The following MATN2 variants were observed in gnomAD, a reference collection of about 807,000 sequenced individuals.
The protein encoded by MATN2 is matrilin 2, also known as matrilin-2.
Under a neutral mutation model 103.2 loss-of-function variants are expected in MATN2, and 69 were observed. The ratio of observed to expected loss-of-function variants is 0.67; its 90% CI spans 0.55 to 0.82. The LOEUF (loss-of-function observed/expected upper bound fraction) is 0.82, where lower values mean the gene tolerates loss of function less well. Ranked by LOEUF, MATN2 falls within the 40% of genes least tolerant of loss-of-function variation. MATN2 has a pLI of 0.00. For missense variants in MATN2, 1,023 were observed against 1,211.5 expected (o/e 0.84, Z 2.31); for synonymous variants, 429 against 450.2 (o/e 0.95, Z 0.60).
intron 8 of MATN2, among the ~76,000 whole-genome samples, chr8:98,006,427 C>G (rs1208357150): frequency 6.6e-6 from 1 of 152,176 alleles, no homozygotes; most frequent in African/African-American, 2.4e-5. Context: ...TATTCTCACC[C>G]TATTCCTATA....
chr8:97,992,529 C>T (rs902141661), intron 6 of MATN2, among the ~76,000 whole-genome samples: 3 of 151,708 alleles, frequency 2.0e-5, no homozygotes, highest in Non-Finnish European at 4.4e-5. Flanking sequence ...AGGTGGATCA[C>T]GAGATCAGGA....
chr8:97,920,232 G>C (rs549496853), intron 2 of MATN2, among the ~76,000 whole-genome samples: 30 of 152,312 alleles, frequency 2.0e-4, no homozygotes, highest in Non-Finnish European at 4.3e-4. Flanking sequence ...TTATGAGACA[G>C]AGTTTTGCTC....
chr8:97,914,849 T>A (rs1015919740), intron 2 of MATN2, among the ~76,000 whole-genome samples: 1 of 152,210 alleles, frequency 6.6e-6, no homozygotes, highest in Non-Finnish European at 1.5e-5. Context: ...GCTTGTTGCC[T>A]GGTCAACACC....
chr8:97,882,416 G>C (rs546986814), intron 1 of MATN2, among the ~76,000 whole-genome samples: 70 of 150,390 alleles, frequency 4.7e-4, no homozygotes, highest in African/African-American at 1.6e-3. Flanking sequence ...TTTTGAGGCC[G>C]GGTCTTGCTC....
intron 2 of MATN2, among the ~76,000 whole-genome samples, chr8:97,892,079 A>G (rs540047165): frequency 6.6e-6 from 1 of 152,204 alleles, no homozygotes; most frequent in South Asian, 2.1e-4. Flanking sequence ...TCTACTAAAA[A>G]TACAAAAATT....
chr8:97,948,739 T>C (rs1215049467), intron 4 of MATN2, among the ~76,000 whole-genome samples: 1 of 152,102 alleles, frequency 6.6e-6, no homozygotes, highest in Non-Finnish European at 1.5e-5. Flanking sequence ...TAAGCCTAAA[T>C]GCAAGAGCAG....
chr8:97,910,008 C>G (rs1249830748), intron 2 of MATN2, among the ~76,000 whole-genome samples: 3 of 151,616 alleles, frequency 2.0e-5, no homozygotes, highest in Non-Finnish European at 2.9e-5. Context: ...CGGTCTTGAT[C>G]TCCTGACCTC....
At position 98,007,768 on chromosome 8, in the gene MATN2, T is replaced by G. The variant is rs781571980; in HGVS notation, c.1573+167T>G. ...TAGCCATTAAGCCTTGGTGGCTGCT[T>G]CACCAACTCCCCTCAATCTTCCTTC... On this transcript the variant is annotated intron_variant, in intron 10 of 18. Coordinates refer to ENST00000254898, the MANE Select transcript of MATN2 (RefSeq NM_002380.5). This position sits in a 1 kb window ranked among gnomAD's most constrained non-coding sequence, Gnocchi z 4.2. Among the ~76,000 whole-genome samples the G allele has an allele frequency of 2.6e-5, 4 of 152,162 alleles. No individual in the cohort carries two copies. The highest frequency in any genetic ancestry group is 5.9e-5 in the Non-Finnish European group (4 of 68,026).
chr8:97,914,095 A>C (rs578120509), intron 2 of MATN2, among the ~76,000 whole-genome samples: 54 of 152,314 alleles, frequency 3.5e-4, no homozygotes, highest in African/African-American at 1.3e-3. Flanking sequence ...GAGACAAAGG[A>C]GTGGCCTTAA....
intron 4 of MATN2, among the ~76,000 whole-genome samples, chr8:97,945,679 A>G (rs1810722655): frequency 1.4e-5 from 2 of 146,790 alleles, no homozygotes; most frequent in Non-Finnish European, 3.0e-5. Flanking sequence ...AACTGCCTTC[A>G]AATACACACA....
At chr8:97,993,571 T>A (rs941235884) in intron 6 of MATN2, among the ~76,000 whole-genome samples, 10 of 152,334 alleles carry the variant, frequency 6.6e-5, no homozygotes, top group Admixed American at 3.3e-4. Context: ...GAAATACTTT[T>A]AAAAAAATAT....
chr8:97,980,558 C>CTTTTTTTTTTTTTT (rs71570278), intron 6 of MATN2, among the ~76,000 whole-genome samples: 5 of 94,094 alleles, frequency 5.3e-5, no homozygotes, highest in Non-Finnish European at 5.9e-5. Flanking sequence ...TTATTCTTTC[C>CTTTTTTTTTTTTTT]TTTTTTTTTT....
intron 10 of MATN2, among the ~76,000 whole-genome samples, chr8:98,012,437 A>G (rs1175259785): frequency 6.6e-6 from 1 of 152,070 alleles, no homozygotes; most frequent in African/African-American, 2.4e-5. Context: ...TAGTCTAGAG[A>G]AAGATGTTTA....
chr8:97,877,947 T>C (rs1396738045), intron 1 of MATN2, among the ~76,000 whole-genome samples: 1 of 151,998 alleles, frequency 6.6e-6, no homozygotes, highest in South Asian at 2.1e-4. Flanking sequence ...TCCATTTCCA[T>C]GCAGTCTCAC....
chr8:97,882,898 G>A (rs766851066), intron 1 of MATN2, among the ~76,000 whole-genome samples: 3 of 152,030 alleles, frequency 2.0e-5, no homozygotes, highest in Non-Finnish European at 2.9e-5. Context: ...GATGTTGAAC[G>A]TGTTTTCATA....
rs759420346 is a variant in MATN2 at position 98,033,635 on chromosome 8, GAAGT to G, written c.2795_2798del (p.Val932GlufsTer3). 3.7e-5 allele frequency: 59 copies of G among 1,605,552 alleles called. No individual in the cohort carries two copies. The East Asian group carries it at 6.7e-4, about 18-fold the overall frequency. ...AATGTTCCAGAACCTTGCAAACGAA[GAAGT>G]AAGAAAATTAACACAGCGCTATATC... On this transcript the variant is annotated frameshift_variant, in exon 18 of 19. Coordinates refer to ENST00000254898, the MANE Select transcript of MATN2 (RefSeq NM_002380.5). LOFTEE classifies it high-confidence loss of function.
chr8:98,021,216 T>TGCA lies in MATN2; in HGVS notation c.1832_1834dup (p.Cys611_Lys612insSer). On this transcript the variant is annotated inframe_insertion, in exon 13 of 19. Transcript: ENST00000254898. Reference sequence around the variant, plus strand: ...TACATTTTCCTCAGGGAAGGATGTCTGCAAATCAACCCACCATGGCTGCGA... The same window carrying TGCA: ...TACATTTTCCTCAGGGAAGGATGTCTGCAGCAAATCAACCCACCATGGCTGCGA... The TGCA allele has an allele frequency of 6.2e-7, 1 of 1,613,536 alleles. No homozygotes were observed. Among genetic ancestry groups the TGCA allele is most frequent in the Non-Finnish European group, 8.5e-7 (1 of 1,179,536 alleles).
At chr8:98,032,201 C>T (rs1489547058) in intron 15 of MATN2, 45 bp from the exon 16 acceptor site, 1 of 1,490,030 alleles carries the variant, frequency 6.7e-7, no homozygotes, top group Non-Finnish European at 9.3e-7. Flanking sequence ...CACACACATG[C>T]CTGTGGACAA....
chr8:97,956,416 A>T (rs984526329), intron 4 of MATN2, among the ~76,000 whole-genome samples: 11 of 152,066 alleles, frequency 7.2e-5, no homozygotes, highest in African/African-American at 2.7e-4. Context: ...ACCTCACATG[A>T]TCCACCTGCC....
Sources: allele counts gnomAD v4.1 joint callset (sites outside exome capture counted in the v4.1 genomes callset), GRCh38; gene constraint gnomAD v4.1.1; non-coding constraint Gnocchi (gnomAD v3.1); transcripts MANE v1.5; gene names NCBI Gene and HGNC (gene_info 2026-07-23, HGNC 2026-07-21).